The following HOXC4 variants were observed in gnomAD, a reference collection of about 807,000 sequenced individuals.
HOXC4 encodes the protein homeobox C4.
In HOXC4, 15 loss-of-function variants were observed where a neutral mutation model predicts 25.5. The observed-to-expected ratio is 0.59, with a 90% CI of 0.39 to 0.91. The LOEUF is 0.91. Among genes scored for constraint, HOXC4 ranks in the 40% least tolerant of loss-of-function variants. The pLI, the probability that HOXC4 is intolerant of heterozygous loss-of-function variation, is 0.00. For synonymous variants in HOXC4, 165 were observed against 148.0 expected, an observed-to-expected ratio of 1.11 and a Z score of -0.83; for missense variants, 342 against 352.4, an observed-to-expected ratio of 0.97 and a Z score of 0.24.
Position 54,031,094 on chromosome 12 carries a change from C to T in HOXC4, c.-124+13680C>T, listed in dbSNP as rs1005563317. ...ATTTTGTTGCGGGGGGAGCTGGGATCAGTCGGTTTGGGCACCAACCCCACG... is the reference window on the plus strand; with the variant it reads ...ATTTTGTTGCGGGGGGAGCTGGGATTAGTCGGTTTGGGCACCAACCCCACG... On this transcript the variant is annotated intron_variant, in intron 1 of 3. Coordinates refer to the HOXC4 transcript ENST00000303406. Among the ~76,000 whole-genome samples, 7 of 152,352 alleles carry T rather than the reference C, an allele frequency of 4.6e-5. No homozygotes were observed. In the East Asian group the frequency reaches 7.7e-4, roughly 17 times the overall value.
chr12:54,029,146 G>A (rs1382349835), intron 1 of HOXC4, among the ~76,000 whole-genome samples: 6 of 152,134 alleles, frequency 3.9e-5, no homozygotes, highest in Admixed American at 1.3e-4. Context: ...GCCCCAAGGC[G>A]GGCTGAGGGG....
chr12:54,022,954 G>C (rs940883345), intron 1 of HOXC4, among the ~76,000 whole-genome samples: 1 of 152,192 alleles, frequency 6.6e-6, no homozygotes, highest in Non-Finnish European at 1.5e-5. Context: ...TTCCTCATGT[G>C]ACATCCTCTT....
upstream of HOXC4, among the ~76,000 whole-genome samples, chr12:54,052,286 G>A (rs1810024326): frequency 6.6e-6 from 1 of 152,218 alleles, no homozygotes; most frequent in South Asian, 2.1e-4. Flanking sequence ...ACGTTTTACA[G>A]CCCTATAAAA....
At position 54,026,925 on chromosome 12, in the gene HOXC4, A is replaced by G. The variant is rs117669012; in HGVS notation, c.-124+9511A>G. Among the ~76,000 whole-genome samples the G allele has an allele frequency of 4.7e-5, 7 of 150,354 alleles. No individual in the cohort carries two copies. In the East Asian group the frequency reaches 5.9e-4, roughly 13 times the overall value. ...ATCCGGCGACATCCGGGTTCTTGTT[A>G]TAGCCAGCTTTCCCCCCCCCCAACC... On this transcript the variant is annotated intron_variant, in intron 1 of 3. Transcript: ENST00000303406.
intron 1 of HOXC4, among the ~76,000 whole-genome samples, chr12:54,048,453 T>A (rs544223997): frequency 6.6e-6 from 1 of 152,136 alleles, no homozygotes; most frequent in Non-Finnish European, 1.5e-5. Flanking sequence ...TTATAAAATC[T>A]CCATCACCCC....
intron 1 of HOXC4, chr12:54,028,594 G>T (rs1940837575): frequency 6.2e-7 from 1 of 1,613,946 alleles, no homozygotes; most frequent in East Asian, 2.2e-5. Context: ...CCCCAACGTC[G>T]CCCTCAATTC....
At chr12:54,039,082 C>T (rs1047259751) in intron 1 of HOXC4, among the ~76,000 whole-genome samples, 3 of 152,126 alleles carry the variant, frequency 2.0e-5, no homozygotes, top group African/African-American at 7.2e-5. Context: ...CCTGTACTGG[C>T]CAGCCATGAA....
At chr12:54,040,167 G>A (rs886383214) in intron 1 of HOXC4, among the ~76,000 whole-genome samples, 1 of 152,146 alleles carries the variant, frequency 6.6e-6, no homozygotes, top group Admixed American at 6.5e-5. Context: ...AATTTGGAGT[G>A]TCTCTGGAGC....
intron 1 of HOXC4, chr12:54,029,503 G>A (rs1175234500): frequency 1.6e-6 from 1 of 643,470 alleles, no homozygotes; most frequent in African/African-American, 1.8e-5. Flanking sequence ...CCCCCAGTGG[G>A]GGTGGGGCAA....
chr12:54,028,812 G>A, intron 1 of HOXC4: 1 of 1,614,136 alleles, frequency 6.2e-7, no homozygotes, highest in Non-Finnish European at 8.5e-7. Context: ...ATAACACACA[G>A]ACCTCAATCG....
chr12:54,024,900 C>T (rs1165919767), intron 1 of HOXC4, among the ~76,000 whole-genome samples: 2 of 152,244 alleles, frequency 1.3e-5, no homozygotes, highest in Non-Finnish European at 2.9e-5. Context: ...ATGTGTTTTG[C>T]ATTGGAGAGG....
At chr12:54,052,579 G>A (rs866868116), upstream of HOXC4, among the ~76,000 whole-genome samples, 1 of 146,970 alleles carries the variant, frequency 6.8e-6, no homozygotes, top group Non-Finnish European at 1.5e-5. Flanking sequence ...TGGGGGGGGG[G>A]GGTGGTGGTT....
chr12:54,031,882 A>G (rs1466199673), intron 1 of HOXC4, among the ~76,000 whole-genome samples: 1 of 152,104 alleles, frequency 6.6e-6, no homozygotes, highest in East Asian at 1.9e-4. Flanking sequence ...GGTCCGCCCC[A>G]TTCCTCTTGG....
intron 1 of HOXC4, among the ~76,000 whole-genome samples, chr12:54,023,792 C>T (rs736825): frequency 2.6e-5 from 4 of 151,900 alleles, no homozygotes; most frequent in South Asian, 2.1e-4. Context: ...GTGTGTGTAG[C>T]GGGGGCAGGT....
chr12:54,044,331 TTGG>T (rs1312847209), intron 1 of HOXC4, among the ~76,000 whole-genome samples: 1 of 152,184 alleles, frequency 6.6e-6, no homozygotes, highest in African/African-American at 2.4e-5. Flanking sequence ...AAAAGGCTAA[TTGG>T]TGATTTTTTT....
At chr12:54,048,551 A>G (rs1937775243) in intron 1 of HOXC4, among the ~76,000 whole-genome samples, 1 of 152,150 alleles carries the variant, frequency 6.6e-6, no homozygotes. Context: ...TTGTGAAGCA[A>G]CAGAGGTGAC....
intron 1 of HOXC4, chr12:54,032,966 A>G: frequency 3.1e-6 from 2 of 647,386 alleles, no homozygotes; most frequent in Non-Finnish European, 5.2e-6. Context: ...ACTCTATTTA[A>G]GGCTCCCTTA....
At chr12:54,031,966 C>A (rs979933595) in intron 1 of HOXC4, among the ~76,000 whole-genome samples, 2 of 152,194 alleles carry the variant, frequency 1.3e-5, no homozygotes, top group Non-Finnish European at 2.9e-5. Flanking sequence ...GACCTTTTCC[C>A]CAAAGGGCAC....
At chr12:54,046,041 C>T (rs949834054) in intron 1 of HOXC4, among the ~76,000 whole-genome samples, 2 of 152,144 alleles carry the variant, frequency 1.3e-5, no homozygotes, top group Non-Finnish European at 2.9e-5. Flanking sequence ...TGTATATCTC[C>T]CTACACCCCC....
Sources: allele counts gnomAD v4.1 joint callset (sites outside exome capture counted in the v4.1 genomes callset), GRCh38; gene constraint gnomAD v4.1.1; transcripts MANE v1.5; gene names NCBI Gene and HGNC (gene_info 2026-07-23, HGNC 2026-07-21).